Variants in SLC5A2 observed in about 807,000 individuals in gnomAD.
The protein encoded by SLC5A2 is sodium/glucose cotransporter 2.
SLC5A2 carries 67 observed loss-of-function variants against 69.0 expected under a neutral mutation model. The observed-to-expected ratio is 0.97, with a 90% CI of 0.80 to 1.19. The LOEUF (loss-of-function observed/expected upper bound fraction) is 1.19. Among genes scored for constraint, SLC5A2 ranks in the 50% most tolerant of loss-of-function variants. SLC5A2 has a pLI of 0.00. For missense variants in SLC5A2, 1,001 were observed against 921.5 expected, an observed-to-expected ratio of 1.09 and a Z score of -1.12; for synonymous variants, 455 against 395.8, an observed-to-expected ratio of 1.15 and a Z score of -1.78.
At chr16:31,483,374 C>A in intron 1 of SLC5A2, 112 bp downstream of exon 1, 2 of 1,411,312 alleles carry the variant, frequency 1.4e-6, no homozygotes, top group Non-Finnish European at 2.0e-6. Flanking sequence ...GAAGGAGAAA[C>A]CTAGGCCTGG....
intron 7 of SLC5A2, 49 bp downstream of exon 7, chr16:31,487,808 C>A: frequency 6.5e-7 from 1 of 1,536,314 alleles, no homozygotes; most frequent in Non-Finnish European, 8.8e-7. Flanking sequence ...GGAGCCGAGA[C>A]GGGCGGAGCC....
rs368457870 is a variant in SLC5A2, at chr16:31,488,618, G to A, written c.1130-4G>A. The A allele has an allele frequency of 3.4e-5, 55 of 1,610,082 alleles. No homozygotes were observed. The African/African-American group carries it at 6.3e-4, about 18-fold the overall frequency. On this transcript the variant is annotated splice_region_variant and splice_polypyrimidine_tract_variant and intron_variant, in intron 9 of 13. Transcript: ENST00000330498. ...CCAGCCTCACGGCTGCCGTCGGCCCGCAGGTCTGCGCGGACTCATGCTGGC... is the reference window on the plus strand; with the variant it reads ...CCAGCCTCACGGCTGCCGTCGGCCCACAGGTCTGCGCGGACTCATGCTGGC...
In SLC5A2 at chr16:31,490,216, C is replaced by A; in HGVS notation, c.1778C>A (p.Ala593Asp). ...GTACAGAATGGGTGCCCAGAGAGTGCCATGGAGATGAATGGTAGGGCACCA... is the reference window on the plus strand; with the variant it reads ...GTACAGAATGGGTGCCCAGAGAGTGACATGGAGATGAATGGTAGGGCACCA... The part of the protein sequence containing the change: ...LPVQNGCPES[A>D]MEMNEPQAPA... The change falls in exon 13 of 14, where the codon GCC (alanine) becomes GAC (aspartate). Residue 593 changes from alanine to aspartate, a missense_variant. Physicochemically the swap from Ala to Asp is moderately radical, Grantham distance 126. Transcript: ENST00000330498. 6.2e-7 allele frequency: 1 copy of A among 1,614,156 alleles called. No individual in the cohort carries two copies. The highest frequency in any genetic ancestry group is 1.3e-5 in the African/African-American group (1 of 75,044).
rs1369147754 is a variant in SLC5A2 at position 31,488,031 on chromosome 16, C to A, written c.886-7C>A. The A allele has an allele frequency of 2.5e-6, 4 of 1,612,968 alleles. No individual in the cohort carries two copies. Among genetic ancestry groups the A allele is most frequent in the Non-Finnish European group, 1.7e-6 (2 of 1,179,850 alleles). On this transcript the variant is annotated splice_region_variant and splice_polypyrimidine_tract_variant and intron_variant, in intron 7 of 13. Transcript: ENST00000330498. ...CGCAAGCGGGCAGCTGAACGCCCCT[C>A]CCGTAGGTCATCGTGCAGCGCTGCC...
intron 6 of SLC5A2, 53 bp downstream of exon 6, chr16:31,487,453 C>A: frequency 6.2e-7 from 1 of 1,610,160 alleles, no homozygotes; most frequent in Non-Finnish European, 8.5e-7. Flanking sequence ...GCGGAGCTCT[C>A]GGCCTGCGCG....
Position 31,490,634 on chromosome 16 carries a change from G to A in SLC5A2, c.*99G>A. On this transcript the variant is annotated 3_prime_UTR_variant, in exon 14 of 14. Coordinates refer to ENST00000330498, the MANE Select transcript of SLC5A2 (RefSeq NM_003041.4). ...AAAAGGGGAAGGGGCAGTGGGGTGAGAAGGTCCTGGCTCCCCTTCTCCCGG... is the reference window on the plus strand; with the variant it reads ...AAAAGGGGAAGGGGCAGTGGGGTGAAAAGGTCCTGGCTCCCCTTCTCCCGG... 1 of 1,170,248 alleles carries A rather than the reference G, an allele frequency of 8.5e-7. No individual in the cohort carries two copies. Among genetic ancestry groups the A allele is most frequent in the South Asian group, 1.3e-5 (1 of 77,284 alleles). 72.5% of individuals were successfully genotyped at this position (1,170,248 alleles called of 1,614,324 possible). A position where few individuals can be genotyped will look rare whatever the true frequency, so the allele number is the denominator to read the frequency against.
chr16:31,490,127 C>T lies in SLC5A2; in HGVS notation c.1689C>T (p.Leu563=). 6.2e-7 allele frequency: 1 copy of T among 1,614,082 alleles called. No individual in the cohort carries two copies. The highest frequency in any genetic ancestry group is 8.5e-7 in the Non-Finnish European group (1 of 1,180,032). ...RKHLHRLVFS[L]RHSKEEREDL... is the part of the protein sequence containing the mutation. ...AGCTCCACCGCCTGGTCTTCAGTCT[C>T]CGGCATAGCAAGGAGGAACGGGAGG... Residue 563 remains leucine (L), a synonymous_variant, in exon 13 of 14, where the codon CTC becomes CTT. Coordinates refer to ENST00000330498, the MANE Select transcript of SLC5A2 (RefSeq NM_003041.4).
chr16:31,488,131 C>T lies in SLC5A2; in HGVS notation c.979C>T (p.Leu327Phe), dbSNP rs757582393. 9.3e-6 allele frequency: 15 copies of T among 1,614,106 alleles called. No individual in the cohort carries two copies. In the Admixed American group the frequency reaches 2.2e-4, roughly 23 times the overall value. Reference sequence around the variant, plus strand: ...GTACCTGAAGCTGACGCCCATGTTTCTCATGGTCATGCCAGGCATGATCAG... The same window carrying T: ...GTACCTGAAGCTGACGCCCATGTTTTTCATGGTCATGCCAGGCATGATCAG... ...CGYLKLTPMF[L>F]MVMPGMISRI... The change falls in exon 8 of 14, where the codon CTC becomes TTC. Residue 327 changes from leucine to phenylalanine, a missense_variant. Coordinates refer to ENST00000330498, the MANE Select transcript of SLC5A2 (RefSeq NM_003041.4).
chr16:31,485,750 C>T lies in SLC5A2; in HGVS notation c.325C>T (p.Leu109=), dbSNP rs2082489769. ...EWNALFVVLL[L]GWLFAPVYLT... is the part of the protein sequence containing the mutation. ...GTAGGCGCTCTTCGTGGTGCTGCTA[C>T]TGGGCTGGCTGTTTGCACCCGTGTA... The change falls in exon 4 of 14, where the codon CTG becomes TTG. Residue 109 remains leucine, a synonymous_variant. Coordinates refer to ENST00000330498, the MANE Select transcript of SLC5A2 (RefSeq NM_003041.4). 1 of 1,613,660 alleles carries T rather than the reference C, an allele frequency of 6.2e-7. No homozygotes were observed. Among genetic ancestry groups the T allele is most frequent in the Non-Finnish European group, 8.5e-7 (1 of 1,180,042 alleles).
At chr16:31,485,095 T>C (rs868031677) in intron 3 of SLC5A2, 172 bp downstream of exon 3, 17 of 718,836 alleles carry the variant, frequency 2.4e-5, no homozygotes, top group Middle Eastern at 6.7e-4. Flanking sequence ...AGCAGAGGGG[T>C]GCAGGGGTGA....
At position 31,488,644 on chromosome 16, in the gene SLC5A2, G is replaced by A; in HGVS notation, c.1152G>A (p.Ala384=). The A allele has an allele frequency of 1.9e-6, 3 of 1,611,452 alleles. No individual in the cohort carries two copies. The highest frequency in any genetic ancestry group is 2.5e-6 in the Non-Finnish European group (3 of 1,179,050). ...MPNGLRGLML[A]VMLAALMSSL... is the part of the protein sequence containing the mutation. ...CAGGTCTGCGCGGACTCATGCTGGC[G>A]GTCATGCTGGCCGCGCTCATGTCCT... Residue 384 remains alanine (A), a synonymous_variant, in exon 10 of 14, where the codon GCG becomes GCA. Transcript: ENST00000330498.
rs777699602 is a variant in SLC5A2, at chr16:31,487,304, C to T, written c.575-16C>T. On this transcript the variant is annotated splice_polypyrimidine_tract_variant and intron_variant, in intron 5 of 13. Transcript: ENST00000330498. ...CATAAACAGCTGGGCTGTCCCCTGA[C>T]CCCGGCCTGTTGCAGGAGGGCTGGC... The T allele has an allele frequency of 6.2e-7, 1 of 1,613,622 alleles. No individual in the cohort carries two copies. Among genetic ancestry groups the T allele is most frequent in the Non-Finnish European group, 8.5e-7 (1 of 1,179,832 alleles).
Position 31,483,156 on chromosome 16 carries a change from C to T in SLC5A2, c.20C>T (p.Ala7Val), listed in dbSNP as rs868206719. Residue 7 changes from alanine to valine, a missense_variant, in exon 1 of 14, where the codon GCA becomes GTA. Transcript: ENST00000330498. MEEHTEAGSAPEMGAQK... is the reference protein window; with the variant it reads MEEHTEVGSAPEMGAQK... ...GGGAGAATGGAGGAGCACACAGAGG[C>T]AGGCTCGGCACCAGAGATGGGGGCC... is the stretch of plus-strand genomic sequence containing the variant. The T allele has an allele frequency of 1.2e-6, 2 of 1,614,028 alleles. No homozygotes were observed. Among genetic ancestry groups the T allele is most frequent in the South Asian group, 1.1e-5 (1 of 91,078 alleles).
chr16:31,489,627 C>G, intron 12 of SLC5A2: 1 of 552,202 alleles, frequency 1.8e-6, no homozygotes, highest in Non-Finnish European at 3.3e-6. Context: ...GGGCACAATA[C>G]CATCTTGAAC....
At chr16:31,490,268 G>C in intron 13 of SLC5A2, 38 bp downstream of exon 13, 8 of 1,613,894 alleles carry the variant, frequency 5.0e-6, no homozygotes, top group Non-Finnish European at 6.8e-6. Context: ...TGGAGGAGCT[G>C]AGTTCCCGCA....
rs2082519228 is a variant in SLC5A2, at chr16:31,488,419, G to A, written c.1058G>A (p.Arg353His). The change falls in exon 9 of 14, where the codon CGC (arginine) becomes CAC (histidine). Residue 353 changes from arginine to histidine, a missense_variant. Physicochemically the swap from Arg to His is conservative, Grantham distance 29. Coordinates refer to ENST00000330498, the MANE Select transcript of SLC5A2 (RefSeq NM_003041.4). ...VACVVPEVCR[R>H]VCGTEVGCSN... ...TGCGTGGTGCCTGAGGTGTGCAGGC[G>A]CGTGTGCGGCACGGAGGTGGGCTGC... 6.2e-7 allele frequency: 1 copy of A among 1,611,632 alleles called. No homozygotes were observed. Among genetic ancestry groups the A allele is most frequent in the Non-Finnish European group, 8.5e-7 (1 of 1,179,774 alleles).
chr16:31,486,081 G>A (rs2142620409), intron 4 of SLC5A2, 89 bp from the exon 5 acceptor site: 1 of 1,240,026 alleles, frequency 8.1e-7, no homozygotes, highest in Non-Finnish European at 1.2e-6. Context: ...ATGGAGGGAA[G>A]CTTTGAGGCT....
chr16:31,488,869 C>G lies in SLC5A2; in HGVS notation c.1281-11C>G. 6.2e-7 allele frequency: 1 copy of G among 1,604,372 alleles called. No individual in the cohort carries two copies. Among genetic ancestry groups the G allele is most frequent in the Non-Finnish European group, 8.5e-7 (1 of 1,179,796 alleles). The stretch of plus-strand genomic sequence containing the variant: ...CAGGGTCCGGGTTCGATCCGACGGC[C>G]TCCGCCGCAGGCTCTGGGTGGTGTT... On this transcript the variant is annotated splice_polypyrimidine_tract_variant and intron_variant, in intron 10 of 13. Coordinates refer to ENST00000330498, the MANE Select transcript of SLC5A2 (RefSeq NM_003041.4).
chr16:31,489,834 C>T (rs930887549), intron 12 of SLC5A2: 31 of 489,888 alleles, frequency 6.3e-5, no homozygotes, highest in Admixed American at 1.9e-4. Flanking sequence ...GTGTCACAAG[C>T]GCTACCATCT....
Sources: allele counts gnomAD v4.1 joint callset, GRCh38; gene constraint gnomAD v4.1.1; transcripts MANE v1.5; gene names NCBI Gene and HGNC (gene_info 2026-07-23, HGNC 2026-07-21).